The following ARNT2 variants were observed in gnomAD, a reference collection of about 807,000 sequenced individuals.
The protein encoded by ARNT2 is aryl hydrocarbon receptor nuclear translocator 2.
A neutral mutation model predicts 91.7 loss-of-function variants in ARNT2; 36 were observed. The observed-to-expected ratio is 0.39, with a 90% CI of 0.30 to 0.52. The LOEUF is 0.52. Among genes scored for constraint, ARNT2 ranks in the 20% least tolerant of loss-of-function variants. ARNT2 has a pLI of 0.72. For missense variants in ARNT2, 775 were observed against 939.3 expected (o/e 0.83, Z 2.29); for synonymous variants, 365 against 347.1 (o/e 1.05, Z -0.57).
chr15:80,549,203 C>T (rs190224637), intron 8 of ARNT2, among the ~76,000 whole-genome samples: 1 of 151,956 alleles, frequency 6.6e-6, no homozygotes, highest in African/African-American at 2.4e-5. Context: ...GATTAATATC[C>T]CAAAACTCCC....
chr15:80,454,811 C>T (rs1221785491), intron 2 of ARNT2, among the ~76,000 whole-genome samples: 1 of 152,202 alleles, frequency 6.6e-6, no homozygotes, highest in Non-Finnish European at 1.5e-5. Flanking sequence ...GGGAGCTTCA[C>T]TTCACTCACA....
At chr15:80,413,662 C>T (rs1762630806) in intron 1 of ARNT2, among the ~76,000 whole-genome samples, 1 of 152,218 alleles carries the variant, frequency 6.6e-6, no homozygotes, top group Non-Finnish European at 1.5e-5. Flanking sequence ...AAAGGAAAGA[C>T]TCTGAGGTAG....
intron 1 of ARNT2, among the ~76,000 whole-genome samples, chr15:80,431,279 G>A (rs1435345288): frequency 3.3e-5 from 5 of 152,148 alleles, no homozygotes; most frequent in Admixed American, 2.6e-4. Context: ...CTGTGCAGGG[G>A]TATCACTGGG....
Position 80,595,657 on chromosome 15 carries a change from G to A in ARNT2, c.*1959G>A, listed in dbSNP as rs1345680335. On this transcript the variant is annotated 3_prime_UTR_variant, in exon 19 of 19. Transcript: ENST00000303329. Reference sequence around the variant, plus strand: ...CTTAACCCCAACTTTGCAGTTTCTAGAGCTTTTTGTCTGTAATGGTGATTG... The same window carrying A: ...CTTAACCCCAACTTTGCAGTTTCTAAAGCTTTTTGTCTGTAATGGTGATTG... The A allele has an allele frequency of 6.6e-6, 1 of 152,260 alleles. No homozygotes were observed. Among genetic ancestry groups the A allele is most frequent in the Non-Finnish European group, 1.5e-5 (1 of 68,046 alleles). 9.4% of individuals were successfully genotyped at this position (152,260 alleles called of 1,614,324 possible).
At chr15:80,432,871 A>C (rs776388125) in intron 1 of ARNT2, among the ~76,000 whole-genome samples, 4 of 152,160 alleles carry the variant, frequency 2.6e-5, no homozygotes, top group Non-Finnish European at 5.9e-5. Context: ...ATAAATTAAG[A>C]CATCGAGGAG....
At position 80,579,701 on chromosome 15, in the gene ARNT2, G is replaced by A. The variant is rs537822142; in HGVS notation, c.1614-710G>A. ...TCTTTGATGAGCTTCTCATGTAATCGACATAGCCTGGAAAATCTCCTGGAA... is the reference window on the plus strand; with the variant it reads ...TCTTTGATGAGCTTCTCATGTAATCAACATAGCCTGGAAAATCTCCTGGAA... On this transcript the variant is annotated intron_variant, in intron 15 of 18. Coordinates refer to ENST00000303329, the MANE Select transcript of ARNT2 (RefSeq NM_014862.4). Among the ~76,000 whole-genome samples, 6 of 152,280 alleles carry A rather than the reference G, an allele frequency of 3.9e-5. No individual in the cohort carries two copies. In the South Asian group the frequency reaches 1.2e-3, roughly 32 times the overall value.
At chr15:80,477,421 G>C (rs1431155681) in intron 5 of ARNT2, among the ~76,000 whole-genome samples, 1 of 152,134 alleles carries the variant, frequency 6.6e-6, no homozygotes, top group Non-Finnish European at 1.5e-5. Flanking sequence ...CCTCCTAAAG[G>C]CCCCATGTCC....
chr15:80,520,690 C>A (rs1236812156), intron 8 of ARNT2, among the ~76,000 whole-genome samples: 4 of 152,030 alleles, frequency 2.6e-5, no homozygotes, highest in African/African-American at 9.7e-5. Flanking sequence ...TCCAAACTTA[C>A]CAAATTGGAT....
At chr15:80,527,832 A>G (rs570432969) in intron 8 of ARNT2, among the ~76,000 whole-genome samples, 1 of 152,210 alleles carries the variant, frequency 6.6e-6, no homozygotes, top group African/African-American at 2.4e-5. Context: ...TGAGAACCAC[A>G]TGTAATTCAC....
chr15:80,431,840 A>G (rs377706991), intron 1 of ARNT2, among the ~76,000 whole-genome samples: 1 of 152,176 alleles, frequency 6.6e-6, no homozygotes, highest in African/African-American at 2.4e-5. Flanking sequence ...CTGGTGGCCG[A>G]AGCCCTCTCT....
intron 12 of ARNT2, among the ~76,000 whole-genome samples, chr15:80,572,485 T>C (rs1282424809): frequency 6.6e-6 from 1 of 151,370 alleles, no homozygotes; most frequent in Non-Finnish European, 1.5e-5. Flanking sequence ...AAAGGCTTCC[T>C]CTCCCACCCT....
At chr15:80,547,590 A>G (rs1439298032) in intron 8 of ARNT2, among the ~76,000 whole-genome samples, 1 of 152,228 alleles carries the variant, frequency 6.6e-6, no homozygotes, top group South Asian at 2.1e-4. Flanking sequence ...TGGTTATTAT[A>G]ACTTATGTAT....
intron 16 of ARNT2, 145 bp downstream of exon 16, chr15:80,580,694 C>A: frequency 1.9e-6 from 2 of 1,057,350 alleles, no homozygotes; most frequent in Non-Finnish European, 2.7e-6. Flanking sequence ...TACTCAGGAG[C>A]ACCATCCACC....
intron 1 of ARNT2, among the ~76,000 whole-genome samples, chr15:80,441,943 A>G (rs779464507): frequency 2.0e-5 from 3 of 152,224 alleles, no homozygotes; most frequent in African/African-American, 4.8e-5. Context: ...TGTAATGGGA[A>G]ACAATTTCCT....
chr15:80,444,851 G>C (rs1163783068), intron 1 of ARNT2: 1 of 149,460 alleles, frequency 6.7e-6, no homozygotes, highest in Non-Finnish European at 1.5e-5. Flanking sequence ...TGTATGTGTT[G>C]AGTGATGTGA....
chr15:80,423,641 TAGTA>T (rs1895892179), intron 1 of ARNT2, among the ~76,000 whole-genome samples: 1 of 152,202 alleles, frequency 6.6e-6, no homozygotes. Context: ...AGATCCATAT[TAGTA>T]AGTGAGTTTG....
Position 80,460,815 on chromosome 15 carries a change from G to A in ARNT2, c.194+2839G>A, listed in dbSNP as rs545397989. 5.3e-5 allele frequency among the ~76,000 whole-genome samples: 8 copies of A among 152,336 alleles called. No individual in the cohort carries two copies. The South Asian group carries it at 1.7e-3, about 32-fold the overall frequency. ...TTTTTAAGGATGAGTACATCCATGTGAGGAGGAGAAGTAATGGGGATAGCC... is the reference window on the plus strand; with the variant it reads ...TTTTTAAGGATGAGTACATCCATGTAAGGAGGAGAAGTAATGGGGATAGCC... On this transcript the variant is annotated intron_variant, in intron 3 of 18. Transcript: ENST00000303329.
At chr15:80,523,906 A>G (rs1380775470) in intron 8 of ARNT2, among the ~76,000 whole-genome samples, 2 of 152,320 alleles carry the variant, frequency 1.3e-5, no homozygotes, top group African/African-American at 4.8e-5. Flanking sequence ...ACTTTGCCGC[A>G]TGAGAAATGA....
intron 10 of ARNT2, among the ~76,000 whole-genome samples, chr15:80,554,429 A>G (rs940584149): frequency 1.3e-5 from 2 of 152,188 alleles, no homozygotes; most frequent in African/African-American, 4.8e-5. Flanking sequence ...AAAACATAAA[A>G]TAAATTTTAA....
Sources: gnomAD v4.1 joint callset for allele counts (sites outside exome capture counted in the v4.1 genomes callset) on GRCh38, gnomAD v4.1.1 for gene constraint, MANE v1.5 for transcripts, NCBI Gene and HGNC (gene_info 2026-07-23, HGNC 2026-07-21) for gene names.